Variants in PTDSS1 observed in about 807,000 individuals in gnomAD.
PTDSS1 encodes PSS-1.
In PTDSS1, 45 loss-of-function variants were observed where a neutral mutation model predicts 70.5. The ratio of observed to expected loss-of-function variants is 0.64; its 90% confidence interval spans 0.50 to 0.82. The LOEUF is 0.82. Ranked by LOEUF, PTDSS1 falls within the 40% of genes least tolerant of loss-of-function variation. The pLI, the probability that PTDSS1 is intolerant of heterozygous loss-of-function variation, is 0.00. For missense variants in PTDSS1, 417 were observed against 586.1 expected (o/e 0.71, Z 2.98); for synonymous variants, 188 against 203.8 (o/e 0.92, Z 0.66).
intron 1 of PTDSS1, among the ~76,000 whole-genome samples, chr8:96,268,354 C>G (rs1208281858): frequency 6.6e-6 from 1 of 152,078 alleles, no homozygotes; most frequent in Admixed American, 6.6e-5. Flanking sequence ...AAACATGAAC[C>G]TATAGGTCTT....
At chr8:96,313,721 C>A (rs1811245074) in intron 9 of PTDSS1, among the ~76,000 whole-genome samples, 1 of 152,152 alleles carries the variant, frequency 6.6e-6, no homozygotes, top group Non-Finnish European at 1.5e-5. Context: ...TGCTCCTCAC[C>A]CGACCAGTTT....
chr8:96,319,549 G>A (rs1440043967), intron 9 of PTDSS1, among the ~76,000 whole-genome samples: 1 of 151,990 alleles, frequency 6.6e-6, no homozygotes, highest in Non-Finnish European at 1.5e-5. Flanking sequence ...TCAAGAGAAG[G>A]TAAAGGGTTT....
chr8:96,318,389 G>A (rs1285483936), intron 9 of PTDSS1, among the ~76,000 whole-genome samples: 2 of 152,020 alleles, frequency 1.3e-5, no homozygotes, highest in African/African-American at 4.8e-5. Flanking sequence ...ATAAACTCAG[G>A]GTGTTCTGTC....
intron 10 of PTDSS1, 123 bp from the exon 11 acceptor site, chr8:96,330,089 GT>G: frequency 1.1e-6 from 1 of 898,554 alleles, no homozygotes. Flanking sequence ...ACGTCCAGCC[GT>G]TTTGTAACCG....
intron 1 of PTDSS1, among the ~76,000 whole-genome samples, chr8:96,265,599 A>G (rs1810475496): frequency 6.6e-6 from 1 of 151,566 alleles, no homozygotes; most frequent in Non-Finnish European, 1.5e-5. Context: ...AAAACAAAAC[A>G]AAACAAAACA....
intron 10 of PTDSS1, among the ~76,000 whole-genome samples, chr8:96,320,649 T>C (rs570718879): frequency 2.0e-5 from 3 of 152,340 alleles, no homozygotes; most frequent in African/African-American, 4.8e-5. Context: ...GGGACCACCA[T>C]GAAAGGACAA....
At chr8:96,270,755 T>C (rs191126126) in intron 1 of PTDSS1, among the ~76,000 whole-genome samples, 1 of 152,198 alleles carries the variant, frequency 6.6e-6, no homozygotes, top group African/African-American at 2.4e-5. Flanking sequence ...TAGACAAATA[T>C]AAAACTGCCA....
chr8:96,284,271 CT>C (rs1810790411), intron 3 of PTDSS1, 118 bp downstream of exon 3: 1 of 912,624 alleles, frequency 1.1e-6, no homozygotes, highest in East Asian at 2.6e-5. Flanking sequence ...TAGCTTTTTG[CT>C]TTTTGATGTT....
intron 1 of PTDSS1, 72 bp from the exon 2 acceptor site, chr8:96,273,227 G>A: frequency 8.8e-7 from 1 of 1,135,458 alleles, no homozygotes; most frequent in Non-Finnish European, 1.2e-6. Context: ...TTAGAACATG[G>A]AAATCTTCCT....
chr8:96,299,761 T>C lies in PTDSS1; in HGVS notation c.668T>C (p.Leu223Pro). Residue 223 changes from leucine (L) to proline (P), a missense_variant, in exon 6 of 13, where the codon CTG becomes CCG. Physicochemically the swap from Leu to Pro is moderately conservative, Grantham distance 98. Transcript: ENST00000517309. Reference protein sequence around the residue: ...CWWDQVILDILLCNGGGIWLG... With the variant: ...CWWDQVILDIPLCNGGGIWLG... ...TGGGATCAAGTCATTCTGGACATCC[T>C]GTTGTGCAATGGCGGTGGCATTTGG... The C allele has an allele frequency of 6.2e-7, 1 of 1,614,186 alleles. No homozygotes were observed. The highest frequency in any genetic ancestry group is 8.5e-7 in the Non-Finnish European group (1 of 1,180,032).
At position 96,284,171 on chromosome 8, in the gene PTDSS1, A is replaced by G. The variant is rs538355650; in HGVS notation, c.316+18A>G. ...GGTTTTTGGTGAGTTTATATTAGCA[A>G]TGTAAAAGGATGTTCTATTTTTTTA... On this transcript the variant is annotated intron_variant, in intron 3 of 12. Transcript: ENST00000517309. 1.9e-6 allele frequency: 3 copies of G among 1,580,228 alleles called. No homozygotes were observed. Among genetic ancestry groups the G allele is most frequent in the African/African-American group, 2.7e-5 (2 of 73,998 alleles).
At chr8:96,310,544 A>G (rs542835688) in intron 9 of PTDSS1, among the ~76,000 whole-genome samples, 1 of 151,888 alleles carries the variant, frequency 6.6e-6, no homozygotes, top group Non-Finnish European at 1.5e-5. Flanking sequence ...TGTTTTATGA[A>G]ATACATTAGA....
At chr8:96,277,849 T>TTATAATAG (rs1401426503) in intron 2 of PTDSS1, among the ~76,000 whole-genome samples, 1 of 152,232 alleles carries the variant, frequency 6.6e-6, no homozygotes, top group East Asian at 1.9e-4. Context: ...CCATAGGATT[T>TTATAATAG]TATAATAGTC....
At chr8:96,270,246 G>A (rs1397380829) in intron 1 of PTDSS1, among the ~76,000 whole-genome samples, 2 of 152,120 alleles carry the variant, frequency 1.3e-5, no homozygotes, top group African/African-American at 4.8e-5. Context: ...AACATGCAAA[G>A]CCACTAGAAT....
intron 9 of PTDSS1, among the ~76,000 whole-genome samples, chr8:96,319,078 T>C (rs1811337048): frequency 6.6e-6 from 1 of 151,912 alleles, no homozygotes; most frequent in Admixed American, 6.6e-5. Context: ...CACGCCTGGC[T>C]AATTTTTGTA....
At chr8:96,264,072 A>G (rs1810453476) in intron 1 of PTDSS1, among the ~76,000 whole-genome samples, 1 of 152,252 alleles carries the variant, frequency 6.6e-6, no homozygotes. Context: ...GGTGAAGACC[A>G]GACCTTTCCA....
chr8:96,276,980 G>GCACACACACACACACACACA (rs57116529), intron 2 of PTDSS1, among the ~76,000 whole-genome samples: 7 of 145,906 alleles, frequency 4.8e-5, no homozygotes, highest in African/African-American at 1.8e-4. Context: ...GCACGCGCGC[G>GCACACACACACACACACACA]CACACACACA....
intron 6 of PTDSS1, 97 bp downstream of exon 6, chr8:96,299,942 A>G: frequency 7.2e-7 from 1 of 1,394,956 alleles, no homozygotes. Flanking sequence ...TTTGATGATA[A>G]GGAATAAATT....
Position 96,295,238 on chromosome 8 carries a change from T to C in PTDSS1, c.582T>C (p.Ile194=), listed in dbSNP as rs749644073. The stretch of plus-strand genomic sequence containing the variant: ...ACGGTCTCTGCTGGACAATCAGTAT[T>C]ACCTGGGAGCTGACTGAGGTAAGAA... ...RSYGLCWTIS[I]TWELTELFFM... is the part of the protein sequence containing the mutation. The change falls in exon 5 of 13, where the codon ATT becomes ATC. Residue 194 remains isoleucine (I), a synonymous_variant. Transcript: ENST00000517309. 1 of 1,613,924 alleles carries C rather than the reference T, an allele frequency of 6.2e-7. No homozygotes were observed. Among genetic ancestry groups the C allele is most frequent in the Admixed American group, 1.7e-5 (1 of 59,982 alleles).
Sources: allele counts gnomAD v4.1 joint callset (sites outside exome capture counted in the v4.1 genomes callset), GRCh38; gene constraint gnomAD v4.1.1; transcripts MANE v1.5; gene names NCBI Gene and HGNC (gene_info 2026-07-23, HGNC 2026-07-21).